HSF5: variants seen among roughly 807,000 people sequenced by gnomAD.
HSF5 encodes heat shock factor protein 5.
Under a neutral mutation model 50.8 loss-of-function variants are expected in HSF5, and 5 were observed. That is an observed-to-expected ratio of 0.10 (90% CI 0.05 to 0.21). The LOEUF (loss-of-function observed/expected upper bound fraction) is 0.21, where lower values mean the gene tolerates loss of function less well. HSF5 is among the 10% of genes least tolerant of loss of function. The probability of loss-of-function intolerance (pLI) is 1.00; values close to 1 mark genes in which losing one functional copy is unlikely to be tolerated. For missense variants in HSF5, 564 were observed against 762.6 expected (o/e 0.74, Z 3.07); for synonymous variants, 307 against 307.4 (o/e 1.00, Z 0.02).
intron 3 of HSF5, among the ~76,000 whole-genome samples, chr17:58,466,385 C>A (rs747780172): frequency 6.6e-6 from 1 of 152,126 alleles, no homozygotes; most frequent in African/African-American, 2.4e-5. Context: ...ATCTGGTATT[C>A]ATTTTACCTT....
intron 1 of HSF5, among the ~76,000 whole-genome samples, chr17:58,482,295 T>C (rs890988816): frequency 2.6e-5 from 4 of 152,066 alleles, no homozygotes; most frequent in African/African-American, 7.2e-5. Context: ...TTTATTCCTT[T>C]AAAGTACAAA....
intron 2 of HSF5, among the ~76,000 whole-genome samples, chr17:58,479,257 CTACAGCACCAAG>C (rs1975067757): frequency 6.6e-6 from 1 of 151,818 alleles, no homozygotes; most frequent in Admixed American, 6.6e-5. Flanking sequence ...TAAAAAAAAA[CTACAGCACCAAG>C]TACAGAGTTA....
intron 5 of HSF5, among the ~76,000 whole-genome samples, chr17:58,430,621 A>G (rs1030640988): frequency 3.9e-5 from 6 of 152,106 alleles, no homozygotes; most frequent in African/African-American, 1.4e-4. Context: ...TTACACCACA[A>G]GCCCCCTTGG....
intron 1 of HSF5, among the ~76,000 whole-genome samples, chr17:58,482,736 A>AAT (rs1975115498): frequency 7.5e-6 from 1 of 132,880 alleles, no homozygotes; most frequent in Non-Finnish European, 1.6e-5. Context: ...AAAAAAAAAA[A>AAT]GGAAAGAAAG....
At chr17:58,436,199 C>T (rs1974425599) in intron 5 of HSF5, among the ~76,000 whole-genome samples, 1 of 152,148 alleles carries the variant, frequency 6.6e-6, no homozygotes, top group South Asian at 2.1e-4. Context: ...TAATCTCACA[C>T]ATTGACTTTG....
At chr17:58,465,937 T>C (rs1332309255) in intron 3 of HSF5, among the ~76,000 whole-genome samples, 1 of 152,156 alleles carries the variant, frequency 6.6e-6, no homozygotes, top group Non-Finnish European at 1.5e-5. Flanking sequence ...CCTGAAACTT[T>C]TTGAGTGCTG....
At chr17:58,486,064 A>C (rs1975173920) in intron 1 of HSF5, among the ~76,000 whole-genome samples, 1 of 149,168 alleles carries the variant, frequency 6.7e-6, no homozygotes, top group African/African-American at 2.5e-5. Flanking sequence ...GTGAGACTTA[A>C]TCTCAAAAAG....
chr17:58,457,879 G>C (rs1303378595), intron 5 of HSF5, among the ~76,000 whole-genome samples: 1 of 152,184 alleles, frequency 6.6e-6, no homozygotes, highest in Non-Finnish European at 1.5e-5. Context: ...TAAATTTAGT[G>C]AATAAATGAT....
At chr17:58,425,079 A>G (rs1974276805) in intron 5 of HSF5, among the ~76,000 whole-genome samples, 1 of 152,142 alleles carries the variant, frequency 6.6e-6, no homozygotes, top group Non-Finnish European at 1.5e-5. Flanking sequence ...AATGTATTTC[A>G]TGCCACTGAA....
At chr17:58,453,836 C>A (rs1974672696) in intron 5 of HSF5, among the ~76,000 whole-genome samples, 1 of 152,056 alleles carries the variant, frequency 6.6e-6, no homozygotes, top group Non-Finnish European at 1.5e-5. Flanking sequence ...CACCTGTAAA[C>A]CCAGCACTTT....
chr17:58,450,767 A>AG (rs397729646), intron 5 of HSF5, among the ~76,000 whole-genome samples: 2 of 150,414 alleles, frequency 1.3e-5, no homozygotes, highest in Non-Finnish European at 3.0e-5. Flanking sequence ...AAAAAAAAAA[A>AG]GGACTTTAAT....
chr17:58,471,834 C>G (rs1043416838), intron 2 of HSF5, among the ~76,000 whole-genome samples: 3 of 152,002 alleles, frequency 2.0e-5, no homozygotes, highest in South Asian at 2.1e-4. Context: ...TGTTATTTAG[C>G]CTTTAAAGTG....
intron 5 of HSF5, among the ~76,000 whole-genome samples, chr17:58,435,326 A>T (rs1302807927): frequency 6.7e-6 from 1 of 148,804 alleles, no homozygotes; most frequent in African/African-American, 2.5e-5. Context: ...AGGTGGGTAG[A>T]TCACCTGAGG....
chr17:58,464,104 TAAAG>T (rs747223849), intron 3 of HSF5, among the ~76,000 whole-genome samples: 5 of 152,214 alleles, frequency 3.3e-5, no homozygotes, highest in Admixed American at 1.3e-4. Context: ...GAGTTATGAT[TAAAG>T]AAAGTATGTA....
Position 58,480,097 on chromosome 17 carries a change from GTCCAGGATGCAT to G in HSF5, c.709_720del (p.Met237_Gly240del). 6.2e-7 allele frequency: 1 copy of G among 1,614,108 alleles called. No homozygotes were observed. The highest frequency in any genetic ancestry group is 8.5e-7 in the Non-Finnish European group (1 of 1,179,968). The stretch of plus-strand genomic sequence containing the variant: ...GAAAATGTGGGAGATGTCTCCACTT[GTCCAGGATGCAT>G]TCCAAGGGAGTTCTGCCATATTCTA... On this transcript the variant is annotated inframe_deletion, in exon 2 of 6. Transcript: ENST00000323777.
intron 5 of HSF5, among the ~76,000 whole-genome samples, chr17:58,431,758 A>G (rs1309324290): frequency 6.6e-6 from 1 of 152,246 alleles, no homozygotes; most frequent in Non-Finnish European, 1.5e-5. Flanking sequence ...CACAGTACCA[A>G]GCCCAAGGCA....
At chr17:58,436,840 TAACAAC>T (rs890599740) in intron 5 of HSF5, among the ~76,000 whole-genome samples, 4 of 150,076 alleles carry the variant, frequency 2.7e-5, no homozygotes, top group Non-Finnish European at 4.4e-5. Context: ...AAACCAACCA[TAACAAC>T]AACAACAACA....
At chr17:58,462,753 T>C in intron 4 of HSF5, 29 bp downstream of exon 4, 1 of 1,553,556 alleles carries the variant, frequency 6.4e-7, no homozygotes, top group Non-Finnish European at 8.7e-7. Flanking sequence ...CTTTGAGCTT[T>C]ATAAGCATTT....
chr17:58,466,845 C>A (rs1370494127), intron 3 of HSF5, 40 bp downstream of exon 3: 4 of 1,247,710 alleles, frequency 3.2e-6, no homozygotes, highest in Non-Finnish European at 3.5e-6. Flanking sequence ...TAAAATTGCA[C>A]ATAAAGCGCG....
Sources: gnomAD v4.1 joint callset for allele counts (sites outside exome capture counted in the v4.1 genomes callset) on GRCh38, gnomAD v4.1.1 for gene constraint, MANE v1.5 for transcripts, NCBI Gene and HGNC (gene_info 2026-07-23, HGNC 2026-07-21) for gene names.